TRAPPC9: variants seen among roughly 807,000 people sequenced by gnomAD.
TRAPPC9 encodes trafficking protein particle complex subunit 9.
In TRAPPC9, 83 loss-of-function variants were observed where a neutral mutation model predicts 124.0. The observed-to-expected ratio is 0.67, with a 90% CI of 0.56 to 0.80. TRAPPC9 has a LOEUF of 0.80. TRAPPC9 is among the 30% of genes least tolerant of loss of function. TRAPPC9 has a pLI of 0.00. For missense variants in TRAPPC9, 1,302 were observed against 1,508.3 expected, an observed-to-expected ratio of 0.86 and a Z score of 2.27; for synonymous variants, 638 against 617.5, an observed-to-expected ratio of 1.03 and a Z score of -0.49.
chr8:139,908,060 G>T (rs751229010), intron 20 of TRAPPC9, among the ~76,000 whole-genome samples: 11 of 152,234 alleles, frequency 7.2e-5, no homozygotes, highest in Non-Finnish European at 1.5e-4. Context: ...GGAGGCAGCA[G>T]CTCTGACACT....
chr8:139,861,613 C>T (rs964098508), intron 21 of TRAPPC9, among the ~76,000 whole-genome samples: 6 of 152,166 alleles, frequency 3.9e-5, no homozygotes, highest in Non-Finnish European at 7.4e-5. Context: ...CGTATTGATT[C>T]TTTGAAAAGA....
intron 21 of TRAPPC9, among the ~76,000 whole-genome samples, chr8:139,766,431 G>A (rs996098037): frequency 6.6e-6 from 1 of 152,230 alleles, no homozygotes; most frequent in African/African-American, 2.4e-5. Flanking sequence ...AGTTGGCACA[G>A]TGGCTGTGCT....
chr8:140,457,362 G>A (rs2071716756), intron 1 of TRAPPC9, among the ~76,000 whole-genome samples: 1 of 152,202 alleles, frequency 6.6e-6, no homozygotes. Flanking sequence ...GGTGTGGGCC[G>A]GGTCCCGGAC....
At chr8:140,337,962 TGTCTG>T (rs2067088988) in intron 9 of TRAPPC9, among the ~76,000 whole-genome samples, 1 of 152,194 alleles carries the variant, frequency 6.6e-6, no homozygotes, top group Non-Finnish European at 1.5e-5. Flanking sequence ...AAAACGGGGT[TGTCTG>T]ACAGTCAGTC....
intron 21 of TRAPPC9, among the ~76,000 whole-genome samples, chr8:139,743,570 C>A (rs1261770732): frequency 6.6e-6 from 1 of 152,086 alleles, no homozygotes; most frequent in African/African-American, 2.4e-5. Context: ...AATTTTAGAG[C>A]CAAATTTGAT....
chr8:140,283,750 T>G lies in TRAPPC9; in HGVS notation c.2114+139A>C, dbSNP rs186750674. On this transcript the variant is annotated intron_variant, in intron 14 of 22. Transcript: ENST00000438773. ...CATTTTAAGCAAAGCGTATTGATGT[T>G]GCTTATCTTACAGAAATCCTTCACC... The G allele has an allele frequency of 8.5e-4, 760 of 890,472 alleles. 4 individuals carry two copies. In the African/African-American group the frequency reaches 0.011, roughly 13 times the overall value. The allele number at this position is 890,472 out of a possible 1,614,324, so 55.2% of individuals were successfully genotyped here.
At chr8:140,280,993 G>A (rs955531141) in intron 14 of TRAPPC9, among the ~76,000 whole-genome samples, 2 of 152,192 alleles carry the variant, frequency 1.3e-5, no homozygotes, top group Admixed American at 1.3e-4. Flanking sequence ...ATTGCGGAGT[G>A]GTGTTCCACT....
chr8:140,245,025 C>T (rs62527487), intron 16 of TRAPPC9, among the ~76,000 whole-genome samples: 3,842 of 151,892 alleles, frequency 0.025, 71 homozygotes, highest in African/African-American at 0.049. Context: ...AGGATGGTCT[C>T]GATCTCCTGA....
At chr8:139,791,394 CCA>C (rs1482900840) in intron 21 of TRAPPC9, among the ~76,000 whole-genome samples, 3 of 147,608 alleles carry the variant, frequency 2.0e-5, no homozygotes, top group Non-Finnish European at 4.4e-5. Context: ...GTACCCGTCT[CCA>C]CTGCACAGAC....
chr8:140,332,559 T>C (rs1202805438), intron 9 of TRAPPC9, among the ~76,000 whole-genome samples: 1 of 152,104 alleles, frequency 6.6e-6, no homozygotes, highest in Non-Finnish European at 1.5e-5. Flanking sequence ...TATACGTGTA[T>C]CAAAACATTA....
intron 9 of TRAPPC9, among the ~76,000 whole-genome samples, chr8:140,319,759 C>T (rs1201018395): frequency 2.6e-5 from 4 of 152,188 alleles, no homozygotes; most frequent in Admixed American, 1.3e-4. Flanking sequence ...TGAGCAACTA[C>T]GCCTGGCCCA....
chr8:140,418,771 T>TAGATAGATGGAC (rs779953213), intron 5 of TRAPPC9, among the ~76,000 whole-genome samples: 2 of 131,168 alleles, frequency 1.5e-5, no homozygotes, highest in Admixed American at 1.6e-4. Flanking sequence ...GATAGATAGA[T>TAGATAGATGGAC]AGACAGACAG....
intron 21 of TRAPPC9, among the ~76,000 whole-genome samples, chr8:139,883,590 A>G (rs1829816041): frequency 6.6e-6 from 1 of 152,190 alleles, no homozygotes; most frequent in Non-Finnish European, 1.5e-5. Context: ...TGTTCTCTCT[A>G]ATTTCCCCAC....
At position 140,033,684 on chromosome 8, in the gene TRAPPC9, T is replaced by TTTTG. The variant is rs1563706937; in HGVS notation, c.2557-9606_2557-9605insCAAA. Among the ~76,000 whole-genome samples, 71 of 118,518 alleles carry TTTTG rather than the reference T, an allele frequency of 6.0e-4. 1 individual carries two copies. Among genetic ancestry groups the TTTTG allele is most frequent in the South Asian group, 1.5e-3 (5 of 3,352 alleles). The allele number at this position is 118,518 out of a possible 152,430, so 77.8% of individuals were successfully genotyped here. A position where few individuals can be genotyped will look rare whatever the true frequency, so the allele number is the denominator to read the frequency against. ...TTTTTTTTTTTTTTTTTTTTTTTTT[T>TTTTG]TTTTTTTTTTTTTTTGAGACAGAGT... On this transcript the variant is annotated intron_variant, in intron 17 of 22. Transcript: ENST00000438773.
intron 18 of TRAPPC9, among the ~76,000 whole-genome samples, chr8:140,018,748 CCATA>C (rs200989030): frequency 0.017 from 2,541 of 152,160 alleles, 37 homozygotes; most frequent in Non-Finnish European, 0.024. Context: ...ATCATATGTA[CCATA>C]CAAAGAAAGA....
In TRAPPC9 at chr8:140,364,249, T is replaced by A. The variant is rs576117419; in HGVS notation, c.1352-4056A>T. Among the ~76,000 whole-genome samples, 15 of 146,462 alleles carry A rather than the reference T, an allele frequency of 1.0e-4. 1 individual carries two copies. In the South Asian group the frequency reaches 3.0e-3, roughly 30 times the overall value. Reference sequence around the variant, plus strand: ...TAACTTGCATAGAGCCCAGGAGGCTTGCTTTTACCCTGAAGCCAGCCTGGA... The same window carrying A: ...TAACTTGCATAGAGCCCAGGAGGCTAGCTTTTACCCTGAAGCCAGCCTGGA... On this transcript the variant is annotated intron_variant, in intron 8 of 22. Coordinates refer to ENST00000438773, the MANE Select transcript of TRAPPC9 (RefSeq NM_001160372.4).
At chr8:139,862,963 G>A (rs1312994616) in intron 21 of TRAPPC9, among the ~76,000 whole-genome samples, 3 of 152,236 alleles carry the variant, frequency 2.0e-5, no homozygotes, top group Non-Finnish European at 4.4e-5. Context: ...GCATGTGGCA[G>A]AGGCACAGGG....
At chr8:140,326,217 T>TCTA (rs1336901407) in intron 9 of TRAPPC9, among the ~76,000 whole-genome samples, 46 of 145,460 alleles carry the variant, frequency 3.2e-4, no homozygotes, top group South Asian at 1.3e-3. Context: ...AAACCCCGTC[T>TCTA]CTACTAAAAA....
chr8:140,069,863 C>G (rs1051958729), intron 17 of TRAPPC9, among the ~76,000 whole-genome samples: 1 of 152,328 alleles, frequency 6.6e-6, no homozygotes, highest in South Asian at 2.1e-4. Flanking sequence ...CGAGAACCCT[C>G]GAGGCTGCTG....
Sources: allele counts gnomAD v4.1 joint callset (sites outside exome capture counted in the v4.1 genomes callset), GRCh38; gene constraint gnomAD v4.1.1; transcripts MANE v1.5; gene names NCBI Gene and HGNC (gene_info 2026-07-23, HGNC 2026-07-21).